The following SAMD5 variants were observed in gnomAD, a reference collection of about 807,000 sequenced individuals.
SAMD5 encodes the protein sterile alpha motif domain containing 5.
A neutral mutation model predicts 11.3 loss-of-function variants in SAMD5; 13 were observed. The ratio of observed to expected loss-of-function variants is 1.15; its 90% CI spans 0.75 to 1.83. The LOEUF (loss-of-function observed/expected upper bound fraction) is 1.83, where lower values mean the gene tolerates loss of function less well. Ranked by LOEUF, SAMD5 falls within the 40% of genes most tolerant of loss-of-function variation. SAMD5 has a pLI of 0.00. For synonymous variants in SAMD5, 129 were observed against 111.3 expected, an observed-to-expected ratio of 1.16 and a Z score of -1.00; for missense variants, 255 against 239.1, an observed-to-expected ratio of 1.07 and a Z score of -0.44.
the SAMD5 span, among the ~76,000 whole-genome samples, chr6:147,783,206 A>G: frequency 6.6e-6 from 1 of 152,076 alleles, no homozygotes; most frequent in East Asian, 1.9e-4. Context: ...TATACTCTCT[A>G]TGTGAGATCT....
chr6:147,759,875 C>T, the SAMD5 span, among the ~76,000 whole-genome samples: 2 of 152,058 alleles, frequency 1.3e-5, no homozygotes, highest in African/African-American at 2.4e-5. Context: ...CATTTTTTTA[C>T]AATATTATAC....
the SAMD5 span, among the ~76,000 whole-genome samples, chr6:147,922,590 T>C: frequency 1.3e-5 from 2 of 152,178 alleles, no homozygotes; most frequent in Non-Finnish European, 2.9e-5. Context: ...GGATATTTCT[T>C]GGATAGTAAA....
At chr6:147,518,369 C>A (rs189487722) in intron 1 of SAMD5, among the ~76,000 whole-genome samples, 1 of 152,260 alleles carries the variant, frequency 6.6e-6, no homozygotes, top group East Asian at 1.9e-4. Context: ...TAAAGCTGCC[C>A]TCATGAACTT....
At chr6:147,705,636 T>C (rs1224281710) in intron 1 of SAMD5, among the ~76,000 whole-genome samples, 1 of 152,178 alleles carries the variant, frequency 6.6e-6, no homozygotes, top group Non-Finnish European at 1.5e-5. Context: ...CCAAGGTGCA[T>C]TGTGTATTAA....
the SAMD5 span, among the ~76,000 whole-genome samples, chr6:147,930,550 T>C: frequency 6.6e-6 from 1 of 152,240 alleles, no homozygotes; most frequent in African/African-American, 2.4e-5. Flanking sequence ...GGATAGTCCA[T>C]CTATAAGCTG....
chr6:147,515,758 C>T (rs1282135795), intron 1 of SAMD5, among the ~76,000 whole-genome samples: 1 of 152,054 alleles, frequency 6.6e-6, no homozygotes, highest in Non-Finnish European at 1.5e-5. Flanking sequence ...ATAATAGTTG[C>T]ACTATATCAA....
At chr6:147,633,039 T>C (rs1417071298) in intron 1 of SAMD5, among the ~76,000 whole-genome samples, 1 of 152,168 alleles carries the variant, frequency 6.6e-6, no homozygotes, top group African/African-American at 2.4e-5. Flanking sequence ...AGTGTTAAGA[T>C]GTAACCCTTG....
chr6:147,568,116 A>ATT lies in SAMD5; in HGVS notation c.*3662_*3663dup. ...ATATTTTCCTCTGATTTTATGACTGATTTACAAATTAGGAGTGCAAATGGG... is the reference window on the plus strand; with the variant it reads ...ATATTTTCCTCTGATTTTATGACTGATTTTTACAAATTAGGAGTGCAAATGGG... On this transcript the variant is annotated 3_prime_UTR_variant, in exon 2 of 2. Coordinates refer to ENST00000367474, the MANE Select transcript of SAMD5 (RefSeq NM_001030060.3). The ATT allele has an allele frequency of 8.1e-6, 8 of 985,362 alleles. No individual in the cohort carries two copies. The highest frequency in any genetic ancestry group is 9.6e-6 in the Non-Finnish European group (8 of 829,922). 61.0% of individuals were successfully genotyped at this position (985,362 alleles called of 1,614,324 possible). A position where few individuals can be genotyped will look rare whatever the true frequency, so the allele number is the denominator to read the frequency against.
intron 1 of SAMD5, among the ~76,000 whole-genome samples, chr6:147,626,753 A>G (rs1790055874): frequency 6.9e-6 from 1 of 144,106 alleles, no homozygotes; most frequent in African/African-American, 2.5e-5. Flanking sequence ...CAGGAGCTCA[A>G]GACCAACCTG....
chr6:147,936,689 A>G, the SAMD5 span, among the ~76,000 whole-genome samples: 4 of 152,192 alleles, frequency 2.6e-5, no homozygotes, highest in East Asian at 1.9e-4. Context: ...AAAGAATAAG[A>G]TGATTTTCTA....
chr6:147,767,290 G>A, the SAMD5 span, among the ~76,000 whole-genome samples: 3 of 151,914 alleles, frequency 2.0e-5, no homozygotes, highest in Admixed American at 6.6e-5. Context: ...ATAGGGCAGG[G>A]AGAGGAGCTG....
At chr6:147,745,483 C>T in the SAMD5 span, among the ~76,000 whole-genome samples, 1 of 152,144 alleles carries the variant, frequency 6.6e-6, no homozygotes, top group Non-Finnish European at 1.5e-5. Flanking sequence ...TTATTATACC[C>T]GTTTAACAGA....
At chr6:147,916,500 C>T in the SAMD5 span, among the ~76,000 whole-genome samples, 2 of 151,990 alleles carry the variant, frequency 1.3e-5, no homozygotes, top group Non-Finnish European at 2.9e-5. Flanking sequence ...TCTCTGGTGG[C>T]CAGTGATGAT....
At chr6:147,917,023 G>A in the SAMD5 span, among the ~76,000 whole-genome samples, 1 of 144,650 alleles carries the variant, frequency 6.9e-6, no homozygotes, top group East Asian at 2.0e-4. Flanking sequence ...ACATACATGT[G>A]CATGTGTCTT....
the SAMD5 span, among the ~76,000 whole-genome samples, chr6:147,899,186 A>AG: frequency 2.7e-5 from 4 of 150,678 alleles, no homozygotes; most frequent in African/African-American, 9.8e-5. Context: ...AAAAAAAAAA[A>AG]AAAAAAAGAT....
the SAMD5 span, among the ~76,000 whole-genome samples, chr6:147,809,771 G>C: frequency 2.0e-5 from 3 of 152,164 alleles, no homozygotes; most frequent in Non-Finnish European, 2.9e-5. Context: ...GACATTTGTA[G>C]CCAGATCATT....
intron 1 of SAMD5, among the ~76,000 whole-genome samples, chr6:147,596,788 T>C (rs1212497628): frequency 1.3e-5 from 2 of 152,196 alleles, no homozygotes; most frequent in Non-Finnish European, 2.9e-5. Flanking sequence ...ATCTGCTTCA[T>C]TGGTTAGATG....
chr6:147,520,525 T>C lies in SAMD5; in HGVS notation c.459+11138T>C, dbSNP rs527900276. On this transcript the variant is annotated intron_variant, in intron 1 of 1. Coordinates refer to ENST00000367474, the MANE Select transcript of SAMD5 (RefSeq NM_001030060.3). ...AGCAAACACATTGTATTGAGAAAAT[T>C]TGGAGAACAGTGAAACAGATTGATA... Among the ~76,000 whole-genome samples, 4 of 152,340 alleles carry C rather than the reference T, an allele frequency of 2.6e-5. No individual in the cohort carries two copies. The East Asian group carries it at 5.8e-4, about 22-fold the overall frequency.
the SAMD5 span, among the ~76,000 whole-genome samples, chr6:147,826,529 T>G: frequency 1.3e-5 from 2 of 152,250 alleles, no homozygotes; most frequent in Admixed American, 6.5e-5. Context: ...CCTATATACT[T>G]TACTCCTCCG....
Sources: allele counts gnomAD v4.1 joint callset (sites outside exome capture counted in the v4.1 genomes callset), GRCh38; gene constraint gnomAD v4.1.1; transcripts MANE v1.5; gene names NCBI Gene and HGNC (gene_info 2026-07-23, HGNC 2026-07-21).